The following GPR139 variants were observed in gnomAD, a reference collection of about 807,000 sequenced individuals.
GPR139 encodes the protein probable G protein-coupled receptor 139.
GPR139 carries 12 observed loss-of-function variants against 25.8 expected under a neutral mutation model. That is an observed-to-expected ratio of 0.47 (90% CI 0.30 to 0.75). GPR139 has a LOEUF of 0.75. GPR139 is among the 30% of genes least tolerant of loss of function. The pLI is 0.07. For missense variants in GPR139, 380 were observed against 450.2 expected, an observed-to-expected ratio of 0.84 and a Z score of 1.41; for synonymous variants, 184 against 179.9, an observed-to-expected ratio of 1.02 and a Z score of -0.18.
rs559114375 is a variant in GPR139, at chr16:20,067,136, A to C, written c.127+6354T>G. Among the ~76,000 whole-genome samples, 7 of 152,354 alleles carry C rather than the reference A, an allele frequency of 4.6e-5. No homozygotes were observed. The South Asian group carries it at 1.5e-3, about 32-fold the overall frequency. ...AATGTATTTTACACTCAATCTCACA[A>C]AGCAAAACTAACATGATCGTTACAG... is the stretch of plus-strand genomic sequence containing the variant. On this transcript the variant is annotated intron_variant, in intron 1 of 1. Transcript: ENST00000570682.
At chr16:20,047,957 T>G (rs1596467360) in intron 1 of GPR139, among the ~76,000 whole-genome samples, 1 of 152,216 alleles carries the variant, frequency 6.6e-6, no homozygotes, top group East Asian at 1.9e-4. Flanking sequence ...GCTATACACT[T>G]TTTATCATCT....
At chr16:20,038,531 G>A (rs761010490) in intron 1 of GPR139, among the ~76,000 whole-genome samples, 2 of 152,108 alleles carry the variant, frequency 1.3e-5, no homozygotes, top group African/African-American at 2.4e-5. Context: ...AAGTGAAATT[G>A]CTAGGTATTC....
intron 1 of GPR139, among the ~76,000 whole-genome samples, chr16:20,066,061 T>G (rs1313003059): frequency 6.6e-6 from 1 of 152,162 alleles, no homozygotes; most frequent in Non-Finnish European, 1.5e-5. Context: ...CCACAGCCTT[T>G]CAGAAAAACC....
At chr16:20,050,424 A>G (rs2141208329) in intron 1 of GPR139, among the ~76,000 whole-genome samples, 1 of 152,312 alleles carries the variant, frequency 6.6e-6, no homozygotes, top group Middle Eastern at 3.4e-3. Flanking sequence ...AGACAGATGC[A>G]TCTGTAAGAT....
chr16:20,062,874 A>T (rs935004337), intron 1 of GPR139, among the ~76,000 whole-genome samples: 6 of 152,220 alleles, frequency 3.9e-5, no homozygotes, highest in Admixed American at 3.9e-4. Flanking sequence ...TTCATGCTAA[A>T]TCTTCAAAAT....
intron 1 of GPR139, among the ~76,000 whole-genome samples, chr16:20,051,949 G>A (rs560125206): frequency 1.5e-4 from 23 of 150,834 alleles, no homozygotes; most frequent in South Asian, 4.2e-4. Context: ...TACCTTCTCT[G>A]TGCCTGTTTC....
chr16:20,073,530 G>C lies in GPR139; in HGVS notation c.87C>G (p.Pro29=), dbSNP rs201471983. The change falls in exon 1 of 2, where the codon CCC becomes CCG. Residue 29 remains proline (P), a synonymous_variant. Coordinates refer to ENST00000570682, the MANE Select transcript of GPR139 (RefSeq NM_001002911.4). The surrounding 1 kb of genome is among the most constrained non-coding windows in gnomAD (Gnocchi z 4.7). ...ACAGCAAGAGGCTGTAGTAGACCAC[G>C]GGCACGAAACCCAAGCCGCAGGCCG... ...PGSACGLGFV[P]VVYYSLLLCL... is the part of the protein sequence containing the mutation. The C allele has an allele frequency of 5.0e-6, 8 of 1,609,866 alleles. No individual in the cohort carries two copies. The highest frequency in any genetic ancestry group is 2.2e-5 in the East Asian group (1 of 44,552).
rs1596461955 is a variant in GPR139 at position 20,028,646 on chromosome 16, C to T, written c.*3089G>A. ...GCAGGGTGTTTGCAACACACAAGTT[C>T]GTGCCCACTCCGGTCTGTCTTTTAT... On this transcript the variant is annotated 3_prime_UTR_variant, in exon 2 of 2. Coordinates refer to ENST00000570682, the MANE Select transcript of GPR139 (RefSeq NM_001002911.4). Among the ~76,000 whole-genome samples the T allele has an allele frequency of 2.6e-5, 4 of 152,268 alleles. 1 individual carries two copies. In the Middle Eastern group the frequency reaches 0.014, roughly 518 times the overall value.
chr16:20,061,415 G>A (rs1005031215), intron 1 of GPR139, among the ~76,000 whole-genome samples: 3 of 149,216 alleles, frequency 2.0e-5, no homozygotes, highest in African/African-American at 7.4e-5. Context: ...GAATGGATGG[G>A]GGGATGGATG....
At chr16:20,058,031 G>C (rs1028578394) in intron 1 of GPR139, among the ~76,000 whole-genome samples, 3 of 152,126 alleles carry the variant, frequency 2.0e-5, no homozygotes, top group African/African-American at 7.2e-5. Context: ...AGCCTAAAGG[G>C]CCCAGGGGAG....
rs866357516 is a variant in GPR139 at position 20,069,828 on chromosome 16, C to A, written c.127+3662G>T. On this transcript the variant is annotated intron_variant, in intron 1 of 1. Transcript: ENST00000570682. Reference sequence around the variant, plus strand: ...GGCTCAAGTTCATCATTTTCTCCTGCATTGCTGTCTCTTTTGTACTGTCTC... The same window carrying A: ...GGCTCAAGTTCATCATTTTCTCCTGAATTGCTGTCTCTTTTGTACTGTCTC... 2.0e-5 allele frequency among the ~76,000 whole-genome samples: 3 copies of A among 152,328 alleles called. No homozygotes were observed. In the Middle Eastern group the frequency reaches 0.01, roughly 518 times the overall value.
rs190736401 is a variant in GPR139 at position 20,052,646 on chromosome 16, A to G, written c.128-19977T>C. Among the ~76,000 whole-genome samples, 380 of 152,048 alleles carry G rather than the reference A, an allele frequency of 2.5e-3. 1 individual carries two copies. Among genetic ancestry groups the G allele is most frequent in the Middle Eastern group, 0.01 (3 of 294 alleles). The stretch of plus-strand genomic sequence containing the variant: ...CCCCGCCTCTCCTAAAAATACAACA[A>G]ATTAGCCGGGCGTGGTGGCGGGCAC... On this transcript the variant is annotated intron_variant, in intron 1 of 1. Coordinates refer to ENST00000570682, the MANE Select transcript of GPR139 (RefSeq NM_001002911.4).
intron 1 of GPR139, among the ~76,000 whole-genome samples, chr16:20,060,378 C>G (rs1423064967): frequency 6.6e-6 from 1 of 151,290 alleles, no homozygotes; most frequent in Non-Finnish European, 1.5e-5. Context: ...ATGTGTACTT[C>G]TGTGTGTCTA....
intron 1 of GPR139, among the ~76,000 whole-genome samples, chr16:20,070,316 G>T (rs2057455375): frequency 6.6e-6 from 1 of 152,196 alleles, no homozygotes; most frequent in South Asian, 2.1e-4. Context: ...AGGAATAAGT[G>T]CTTTTCTTGG....
In GPR139 at chr16:20,070,879, TG is replaced by T. The variant is rs2057457197; in HGVS notation, c.127+2610del. ...GTGGCTGGGGAAGGGAGGTGATGGG[TG>T]GGGACCACTGTGGTGAGCTCAACAC... is the stretch of plus-strand genomic sequence containing the variant. On this transcript the variant is annotated intron_variant, in intron 1 of 1. Transcript: ENST00000570682. 3.1e-5 allele frequency: 28 copies of T among 889,260 alleles called. No homozygotes were observed. In the South Asian group the frequency reaches 8.2e-4, roughly 26 times the overall value. The allele number at this position is 889,260 out of a possible 1,614,324, so 55.1% of individuals were successfully genotyped here. A position where few individuals can be genotyped will look rare whatever the true frequency, so the allele number is the denominator to read the frequency against.
At chr16:20,037,376 C>T (rs1468194540) in intron 1 of GPR139, among the ~76,000 whole-genome samples, 3 of 149,966 alleles carry the variant, frequency 2.0e-5, no homozygotes, top group Non-Finnish European at 4.4e-5. Context: ...CACTTGAACT[C>T]GGGAGGTGGA....
intron 1 of GPR139, among the ~76,000 whole-genome samples, chr16:20,052,990 G>C (rs552221442): frequency 6.6e-6 from 1 of 152,010 alleles, no homozygotes; most frequent in Non-Finnish European, 1.5e-5. Context: ...GTATGCATTA[G>C]CTATTTTTCC....
At chr16:20,041,593 A>G (rs142897569) in intron 1 of GPR139, among the ~76,000 whole-genome samples, 31 of 152,016 alleles carry the variant, frequency 2.0e-4, no homozygotes, top group African/African-American at 7.5e-4. Context: ...TGCTGACAAG[A>G]CTCAGTGGTC....
intron 1 of GPR139, among the ~76,000 whole-genome samples, chr16:20,055,113 G>A (rs374548798): frequency 1.2e-4 from 18 of 148,594 alleles, no homozygotes; most frequent in East Asian, 2.0e-4. Flanking sequence ...ACCCTCCACC[G>A]TCTGATAGGC....
Sources: gnomAD v4.1 joint callset for allele counts (sites outside exome capture counted in the v4.1 genomes callset) on GRCh38, gnomAD v4.1.1 for gene constraint, Gnocchi (gnomAD v3.1) non-coding constraint, MANE v1.5 for transcripts, NCBI Gene and HGNC (gene_info 2026-07-23, HGNC 2026-07-21) for gene names.